Variants in IGBP1C observed in about 807,000 individuals in gnomAD.
IGBP1C encodes immunoglobulin-binding protein 1 family member C.
the IGBP1C span, chr17:58,661,642 G>C: frequency 1.1e-5 from 7 of 663,242 alleles, no homozygotes; most frequent in South Asian, 1.1e-4. Context: ...TTCCTTTCTG[G>C]ACACACGTAA....
chr17:58,675,218 A>G, the IGBP1C span: 1 of 152,162 alleles, frequency 6.6e-6, no homozygotes, highest in African/African-American at 2.4e-5. Flanking sequence ...TCAGGGTAAT[A>G]CAAATCAAAA....
chr17:58,681,281 G>T, the IGBP1C span, among the ~76,000 whole-genome samples: 11 of 151,994 alleles, frequency 7.2e-5, no homozygotes, highest in African/African-American at 2.7e-4. Context: ...AAATAAAAAT[G>T]AAAATAAAAA....
At chr17:58,687,446 TAC>T in the IGBP1C span, among the ~76,000 whole-genome samples, 1 of 152,084 alleles carries the variant, frequency 6.6e-6, no homozygotes, top group African/African-American at 2.4e-5. Flanking sequence ...CCGTGCGGGT[TAC>T]AGAGTGGTGC....
the IGBP1C span, among the ~76,000 whole-genome samples, chr17:58,671,035 T>G: frequency 6.6e-6 from 1 of 152,114 alleles, no homozygotes; most frequent in Admixed American, 6.6e-5. Context: ...GAACTCTCAT[T>G]GCATTTATCT....
chr17:58,690,814 G>A, the IGBP1C span, among the ~76,000 whole-genome samples: 16 of 152,074 alleles, frequency 1.1e-4, no homozygotes, highest in African/African-American at 3.9e-4. Context: ...TTAATAGCTC[G>A]GGGTAGTAAA....
At chr17:58,663,956 T>G in the IGBP1C span, among the ~76,000 whole-genome samples, 1 of 152,134 alleles carries the variant, frequency 6.6e-6, no homozygotes, top group African/African-American at 2.4e-5. Context: ...GGTGCTGATA[T>G]CACCTGAGTT....
At chr17:58,677,279 C>T in the IGBP1C span, among the ~76,000 whole-genome samples, 1 of 152,144 alleles carries the variant, frequency 6.6e-6, no homozygotes, top group African/African-American at 2.4e-5. Context: ...GAGCAAGACC[C>T]TGTCTCTAAA....
chr17:58,691,666 C>CAAAAA, the IGBP1C span, among the ~76,000 whole-genome samples: 2 of 107,086 alleles, frequency 1.9e-5, no homozygotes, highest in Non-Finnish European at 3.7e-5. Flanking sequence ...GACTCTGTCT[C>CAAAAA]AAAAAAAAAA....
At chr17:58,674,174 G>A in the IGBP1C span, among the ~76,000 whole-genome samples, 1 of 151,900 alleles carries the variant, frequency 6.6e-6, no homozygotes, top group Admixed American at 6.6e-5. Flanking sequence ...TACTCGGGAG[G>A]CTAAGGCAGG....
At chr17:58,669,715 C>T in the IGBP1C span, among the ~76,000 whole-genome samples, 2 of 113,244 alleles carry the variant, frequency 1.8e-5, no homozygotes, top group African/African-American at 7.1e-5. Context: ...GACTGGGCAA[C>T]AGAGAGAGAC....
At chr17:58,673,305 C>A in the IGBP1C span, among the ~76,000 whole-genome samples, 2 of 150,650 alleles carry the variant, frequency 1.3e-5, no homozygotes, top group Admixed American at 1.3e-4. Context: ...ATGGCGAAAC[C>A]ATAAAAAAAA....
At chr17:58,685,503 G>A in the IGBP1C span, among the ~76,000 whole-genome samples, 1 of 151,060 alleles carries the variant, frequency 6.6e-6, no homozygotes, top group Non-Finnish European at 1.5e-5. Flanking sequence ...GGAGGGAGAG[G>A]TAATATTATA....
At chr17:58,674,045 G>A in the IGBP1C span, among the ~76,000 whole-genome samples, 1 of 152,140 alleles carries the variant, frequency 6.6e-6, no homozygotes, top group African/African-American at 2.4e-5. Flanking sequence ...AGGCCAAGGC[G>A]GGCAGATTGC....
At chr17:58,666,697 T>C in the IGBP1C span, 1 of 152,222 alleles carries the variant, frequency 6.6e-6, no homozygotes, top group Non-Finnish European at 1.5e-5. Flanking sequence ...CAGGTAATTA[T>C]GAGGTACTTG....
At chr17:58,673,300 G>A in the IGBP1C span, among the ~76,000 whole-genome samples, 8 of 151,246 alleles carry the variant, frequency 5.3e-5, no homozygotes, top group South Asian at 1.0e-3. Flanking sequence ...CCAATATGGC[G>A]AAACCATAAA....
chr17:58,667,803 T>C, the IGBP1C span, among the ~76,000 whole-genome samples: 1 of 151,374 alleles, frequency 6.6e-6, no homozygotes, highest in South Asian at 2.1e-4. Flanking sequence ...GAGAACTGCT[T>C]GAACCCGGGA....
At chr17:58,671,692 G>A in the IGBP1C span, among the ~76,000 whole-genome samples, 4 of 152,088 alleles carry the variant, frequency 2.6e-5, no homozygotes, top group South Asian at 8.3e-4. Context: ...CTTTCTCTGG[G>A]TCTCTGTGGA....
the IGBP1C span, among the ~76,000 whole-genome samples, chr17:58,679,306 A>AGGTATTCAACTGC: frequency 2.6e-5 from 4 of 152,202 alleles, no homozygotes; most frequent in African/African-American, 9.6e-5. Context: ...GAGCCGCCAA[A>AGGTATTCAACTGC]GGTATTCAAC....
At chr17:58,665,647 A>C in the IGBP1C span, among the ~76,000 whole-genome samples, 1 of 152,004 alleles carries the variant, frequency 6.6e-6, no homozygotes, top group East Asian at 1.9e-4. Flanking sequence ...TACCTCACTA[A>C]AGTTCCTAAG....
Sources: allele counts gnomAD v4.1 joint callset (sites outside exome capture counted in the v4.1 genomes callset), GRCh38; gene constraint gnomAD v4.1.1; transcripts MANE v1.5; gene names NCBI Gene and HGNC (gene_info 2026-07-23, HGNC 2026-07-21).